The following ANK2 variants were observed in gnomAD, a reference collection of about 807,000 sequenced individuals.
The protein encoded by ANK2 is ankyrin-2.
In ANK2, 83 loss-of-function variants were observed where a neutral mutation model predicts 360.5. The observed-to-expected ratio is 0.23, with a 90% confidence interval of 0.19 to 0.28. The LOEUF is 0.28. Among genes scored for constraint, ANK2 ranks in the 10% least tolerant of loss-of-function variants. The probability of loss-of-function intolerance (pLI) is 1.00; values close to 1 mark genes in which losing one functional copy is unlikely to be tolerated. For missense variants in ANK2, 4,201 were observed against 4,795.7 expected, an observed-to-expected ratio of 0.88 and a Z score of 3.66; for synonymous variants, 1,740 against 1,759.5, an observed-to-expected ratio of 0.99 and a Z score of 0.28.
intron 1 of ANK2, chr4:113,069,831 A>G (rs1255362165): frequency 1.3e-5 from 2 of 152,212 alleles, no homozygotes; most frequent in African/African-American, 4.8e-5. Flanking sequence ...CTAGTCAACC[A>G]GTAGTGCTGC....
the ANK2 span, among the ~76,000 whole-genome samples, chr4:112,766,111 G>A: frequency 6.6e-6 from 1 of 152,054 alleles, no homozygotes; most frequent in Non-Finnish European, 1.5e-5. Context: ...GAGGTGGGCA[G>A]ATCCGAGGTC....
Position 113,345,921 on chromosome 4 carries a change from C to T in ANK2, c.4270C>T (p.Pro1424Ser), listed in dbSNP as rs769015777. 1 of 1,613,564 alleles carries T rather than the reference C, an allele frequency of 6.2e-7. No homozygotes were observed. Among genetic ancestry groups the T allele is most frequent in the Non-Finnish European group, 8.5e-7 (1 of 1,179,616 alleles). The change falls in exon 35 of 46, where the codon CCT becomes TCT. Residue 1424 changes from proline (P) to serine (S), a missense_variant. Around this residue, in one of 4 missense-constraint regions of ANK2, gnomAD observed 1,268 missense variants for 1,650.8 expected, o/e 0.77. Coordinates refer to ENST00000357077, the MANE Select transcript of ANK2 (RefSeq NM_001148.6). Reference sequence around the variant, plus strand: ...CAAGGTACGCGATACGACTCAGGAACCTTGCGGACGACTATCATTTATGAA... The same window carrying T: ...CAAGGTACGCGATACGACTCAGGAATCTTGCGGACGACTATCATTTATGAA... ...FVKVRDTTQEPCGRLSFMKEP... is the reference protein window; with the variant it reads ...FVKVRDTTQESCGRLSFMKEP...
intron 1 of ANK2, among the ~76,000 whole-genome samples, chr4:113,076,947 G>A (rs1580891647): frequency 1.3e-5 from 2 of 151,920 alleles, no homozygotes; most frequent in Non-Finnish European, 2.9e-5. Flanking sequence ...TGACTTTACT[G>A]GTTGGTGCTG....
At chr4:113,334,527 A>G (rs1044477159) in intron 29 of ANK2, among the ~76,000 whole-genome samples, 1 of 150,390 alleles carries the variant, frequency 6.6e-6, no homozygotes, top group Non-Finnish European at 1.5e-5. Context: ...TAGAAAGTTA[A>G]TAGATTAATT....
At chr4:113,346,582 G>A (rs1321658823) in intron 35 of ANK2, among the ~76,000 whole-genome samples, 1 of 152,114 alleles carries the variant, frequency 6.6e-6, no homozygotes, top group East Asian at 1.9e-4. Context: ...GTGTGATGGT[G>A]CACACCTGTA....
At chr4:113,191,541 C>T (rs1327287221) in intron 2 of ANK2, among the ~76,000 whole-genome samples, 3 of 152,164 alleles carry the variant, frequency 2.0e-5, no homozygotes, top group Non-Finnish European at 4.4e-5. Context: ...TGCTAGCCTA[C>T]GTAAACGTAT....
At position 112,904,620 on chromosome 4, in the gene ANK2, A is replaced by G. The variant is rs374858236; in HGVS notation, c.21+106A>G. On this transcript the variant is annotated intron_variant, in intron 2 of 30. Coordinates refer to the ANK2 transcript ENST00000503271. Reference sequence around the variant, plus strand: ...TGGTAAAAACAATTTTTATGAAAACAGATTTAAAGATGTTATAGCATTAAC... The same window carrying G: ...TGGTAAAAACAATTTTTATGAAAACGGATTTAAAGATGTTATAGCATTAAC... The G allele has an allele frequency of 6.5e-5, 52 of 800,148 alleles. No homozygotes were observed. In the East Asian group the frequency reaches 1.0e-3, roughly 16 times the overall value. The allele number at this position is 800,148 out of a possible 1,614,324, so 49.6% of individuals were successfully genotyped here. A position where few individuals can be genotyped will look rare whatever the true frequency, so the allele number is the denominator to read the frequency against.
At chr4:112,838,267 A>T (rs928988049) in intron 1 of ANK2, among the ~76,000 whole-genome samples, 1 of 152,050 alleles carries the variant, frequency 6.6e-6, no homozygotes, top group Non-Finnish European at 1.5e-5. Flanking sequence ...TTCTGCCATG[A>T]TTGTAAGTTC....
chr4:112,860,329 C>T (rs749502456), intron 1 of ANK2, among the ~76,000 whole-genome samples: 1 of 152,030 alleles, frequency 6.6e-6, no homozygotes, highest in Non-Finnish European at 1.5e-5. Context: ...CGGGTTCAAG[C>T]GATTCTTCTG....
intron 2 of ANK2, among the ~76,000 whole-genome samples, chr4:112,909,868 T>G (rs2086524604): frequency 6.6e-6 from 1 of 152,206 alleles, no homozygotes; most frequent in Admixed American, 6.6e-5. Context: ...GATTTTTTTC[T>G]TCCTTTCCCA....
At chr4:112,818,474 T>C (rs2056000241) in intron 1 of ANK2, among the ~76,000 whole-genome samples, 1 of 152,204 alleles carries the variant, frequency 6.6e-6, no homozygotes, top group South Asian at 2.1e-4. Flanking sequence ...CCATGTGATG[T>C]GTTTTTCTGA....
intron 4 of ANK2, among the ~76,000 whole-genome samples, chr4:113,221,710 A>G (rs1001524981): frequency 1.3e-5 from 2 of 152,062 alleles, no homozygotes; most frequent in African/African-American, 4.8e-5. Flanking sequence ...TAAAATGACA[A>G]TGTAGATAAG....
intron 14 of ANK2, among the ~76,000 whole-genome samples, chr4:113,272,199 A>T (rs2058782333): frequency 6.6e-6 from 1 of 152,206 alleles, no homozygotes; most frequent in Admixed American, 6.5e-5. Flanking sequence ...TTGTAAAAGG[A>T]GCTGGGGCTC....
chr4:113,358,635 G>A lies in ANK2; in HGVS notation c.10017G>A (p.Ala3339=), dbSNP rs774143296. Residue 3339 remains alanine, a synonymous_variant, in exon 38 of 46, where the codon GCG becomes GCA. Coordinates refer to ENST00000357077, the MANE Select transcript of ANK2 (RefSeq NM_001148.6). The part of the protein sequence containing the change: ...FLSSVDEENK[A]DEAKPKSKLP... ...CCAGTGTAGATGAGGAAAATAAGGC[G>A]GATGAAGCAAAACCAAAGTCCAAAC... is the stretch of plus-strand genomic sequence containing the variant. 1.6e-4 allele frequency: 257 copies of A among 1,612,010 alleles called. 1 individual carries two copies. The highest frequency in any genetic ancestry group is 1.5e-3 in the Middle Eastern group (9 of 6,078).
intron 1 of ANK2, chr4:112,826,719 A>G (rs571211740): frequency 2.5e-5 from 21 of 837,024 alleles, no homozygotes; most frequent in African/African-American, 3.4e-5. Context: ...AGTGAACACC[A>G]TAATACCTAC....
intron 1 of ANK2, among the ~76,000 whole-genome samples, chr4:112,870,219 C>T (rs146604444): frequency 2.3e-3 from 343 of 152,194 alleles, no homozygotes; most frequent in African/African-American, 7.5e-3. Flanking sequence ...GTCTTGAACT[C>T]CTGACCTCAA....
At chr4:112,728,772 C>G in the ANK2 span, among the ~76,000 whole-genome samples, 1 of 151,994 alleles carries the variant, frequency 6.6e-6, no homozygotes, top group Non-Finnish European at 1.5e-5. Context: ...GTGAAAAATA[C>G]ATACATGTAT....
At chr4:113,301,881 G>C (rs1376079171) in intron 22 of ANK2, among the ~76,000 whole-genome samples, 1 of 152,178 alleles carries the variant, frequency 6.6e-6, no homozygotes, top group African/African-American at 2.4e-5. Flanking sequence ...TCACTTTTAA[G>C]ATGCATTTAA....
chr4:113,288,784 A>T (rs984005300), intron 20 of ANK2, among the ~76,000 whole-genome samples: 1 of 152,138 alleles, frequency 6.6e-6, no homozygotes, highest in African/African-American at 2.4e-5. Flanking sequence ...GTTCTGGCAG[A>T]TTTCCTTTAC....
Sources: allele counts gnomAD v4.1 joint callset (sites outside exome capture counted in the v4.1 genomes callset), GRCh38; gene constraint gnomAD v4.1.1; regional missense constraint gnomAD v4.1.1; transcripts MANE v1.5; gene names NCBI Gene and HGNC (gene_info 2026-07-23, HGNC 2026-07-21).